The following FMN1 variants were observed in gnomAD, a reference collection of about 807,000 sequenced individuals.
The protein encoded by FMN1 is formin-1.
In FMN1, 110 loss-of-function variants were observed where a neutral mutation model predicts 132.4. The observed-to-expected ratio is 0.83, with a 90% CI of 0.71 to 0.97. The LOEUF is 0.97. FMN1 is among the 50% of genes least tolerant of loss of function. The pLI is 0.00. For synonymous variants in FMN1, 722 were observed against 651.7 expected, an observed-to-expected ratio of 1.11 and a Z score of -1.64; for missense variants, 1,792 against 1,705.3, an observed-to-expected ratio of 1.05 and a Z score of -0.90.
chr15:33,174,200 G>T (rs1965432483), intron 3 of FMN1, among the ~76,000 whole-genome samples: 1 of 152,076 alleles, frequency 6.6e-6, no homozygotes, highest in Admixed American at 6.5e-5. Flanking sequence ...CCAAAGAAAA[G>T]AAAAGAAAAG....
At chr15:33,100,223 TAAAA>T (rs61200336) in intron 4 of FMN1, among the ~76,000 whole-genome samples, 57 of 115,432 alleles carry the variant, frequency 4.9e-4, no homozygotes, top group African/African-American at 1.3e-3. Flanking sequence ...ACTTTCACAG[TAAAA>T]AAAAAAAAAA....
In FMN1 at chr15:33,018,148, G is replaced by A. The variant is rs748760406; in HGVS notation, c.2162-10073C>T. Among the ~76,000 whole-genome samples, 20 of 152,124 alleles carry A rather than the reference G, an allele frequency of 1.3e-4. 1 individual carries two copies. Among genetic ancestry groups the A allele is most frequent in the Admixed American group, 1.0e-3 (16 of 15,270 alleles). ...CTAGGAGATGGAGCCTTTGGGAGGT[G>A]ATCAGGTCATGAAGGCAGAGCCCTT... On this transcript the variant is annotated intron_variant, in intron 6 of 20. Coordinates refer to ENST00000616417, the MANE Select transcript of FMN1 (RefSeq NM_001277313.2).
chr15:32,899,274 T>G lies in FMN1; in HGVS notation c.3655-381A>C, dbSNP rs554786237. Among the ~76,000 whole-genome samples, 5 of 152,240 alleles carry G rather than the reference T, an allele frequency of 3.3e-5. No homozygotes were observed. In the South Asian group the frequency reaches 6.2e-4, roughly 19 times the overall value. ...CTCCCTGCCCGTCTTTCAAAAAATG[T>G]GCGTTCTTAATGGTGTGAAAAACAA... On this transcript the variant is annotated intron_variant, in intron 14 of 20. Coordinates refer to ENST00000616417, the MANE Select transcript of FMN1 (RefSeq NM_001277313.2).
intron 10 of FMN1, among the ~76,000 whole-genome samples, chr15:32,921,187 A>C (rs980510797): frequency 6.6e-6 from 1 of 152,194 alleles, no homozygotes; most frequent in Non-Finnish European, 1.5e-5. Flanking sequence ...CTCTCCTAGG[A>C]GGTGACATTT....
chr15:33,096,086 C>T (rs553380433), intron 4 of FMN1, among the ~76,000 whole-genome samples: 1 of 151,728 alleles, frequency 6.6e-6, no homozygotes, highest in African/African-American at 2.4e-5. Flanking sequence ...CAATATGGCT[C>T]TGAGTGTCCT....
intron 7 of FMN1, among the ~76,000 whole-genome samples, chr15:32,976,436 G>A (rs925256510): frequency 6.6e-6 from 1 of 152,112 alleles, no homozygotes; most frequent in Non-Finnish European, 1.5e-5. Context: ...TTTGAAGGCT[G>A]TCCAGAGACT....
At chr15:32,940,776 A>C (rs2061385061) in intron 9 of FMN1, among the ~76,000 whole-genome samples, 1 of 152,122 alleles carries the variant, frequency 6.6e-6, no homozygotes, top group Admixed American at 6.5e-5. Context: ...AGACACTGTA[A>C]CTCATGGTCT....
At position 33,178,640 on chromosome 15, in the gene FMN1, C is replaced by T. The variant is rs565312111; in HGVS notation, c.-132+1558G>A. Among the ~76,000 whole-genome samples, 7 of 152,340 alleles carry T rather than the reference C, an allele frequency of 4.6e-5. No homozygotes were observed. The South Asian group carries it at 1.2e-3, about 27-fold the overall frequency. ...AAAATCCCAGCTCTTCCACTTAGCA[C>T]ATTACATAGTTAAGTAATCTTTGTG... is the stretch of plus-strand genomic sequence containing the variant. On this transcript the variant is annotated intron_variant, in intron 3 of 20. Coordinates refer to ENST00000616417, the MANE Select transcript of FMN1 (RefSeq NM_001277313.2).
rs1003380281 is a variant in FMN1 at position 33,150,445 on chromosome 15, T to G, written c.1867+2603A>C. Reference sequence around the variant, plus strand: ...AGTTCTTGTTAGTATATTCTCTATTTTATCACCACTATGTGGTGATAATGG... The same window carrying G: ...AGTTCTTGTTAGTATATTCTCTATTGTATCACCACTATGTGGTGATAATGG... On this transcript the variant is annotated intron_variant, in intron 4 of 20. Transcript: ENST00000616417. 4.1e-6 allele frequency: 4 copies of G among 985,462 alleles called. No individual in the cohort carries two copies. In the East Asian group the frequency reaches 4.5e-4, roughly 112 times the overall value. The allele number at this position is 985,462 out of a possible 1,614,324, so 61.0% of individuals were successfully genotyped here.
Position 32,969,330 on chromosome 15 carries a change from T to C in FMN1, c.2371A>G (p.Thr791Ala), listed in dbSNP as rs753907533. The change falls in exon 8 of 21, where the codon ACC (threonine) becomes GCC (alanine). Residue 791 changes from threonine to alanine, a missense_variant. Thr to Ala is a moderately conservative substitution (Grantham distance 58, BLOSUM62 0). Transcript: ENST00000616417. Reference protein sequence around the residue: ...CEERKDVCISTDDDCPPKTFR... With the variant: ...CEERKDVCISADDDCPPKTFR... ...GTCTTTGGAGGGCAGTCATCATCGG[T>C]GGAAATGCACACATCTTTCCTCTCT... The C allele has an allele frequency of 1.9e-6, 3 of 1,613,954 alleles. No individual in the cohort carries two copies. Among genetic ancestry groups the C allele is most frequent in the Non-Finnish European group, 2.5e-6 (3 of 1,179,876 alleles).
chr15:32,891,419 T>C (rs1047926675), intron 15 of FMN1, among the ~76,000 whole-genome samples: 2 of 152,226 alleles, frequency 1.3e-5, no homozygotes, highest in African/African-American at 4.8e-5. Context: ...AGCTAATTTA[T>C]TTTTAGTAGA....
chr15:33,082,023 GTGTGT>G (rs1566899155), intron 5 of FMN1, among the ~76,000 whole-genome samples: 6 of 71,882 alleles, frequency 8.3e-5, no homozygotes, highest in African/African-American at 2.8e-4. Context: ...GTTCAGGGGT[GTGTGT>G]GTGTGTGTGT....
intron 10 of FMN1, among the ~76,000 whole-genome samples, chr15:32,915,016 T>A (rs896601742): frequency 6.6e-6 from 1 of 152,074 alleles, no homozygotes; most frequent in Non-Finnish European, 1.5e-5. Flanking sequence ...AAAAATAAAA[T>A]CTAAAAAGTA....
intron 15 of FMN1, 44 bp downstream of exon 15, chr15:32,898,790 A>C (rs757527067): frequency 7.2e-6 from 9 of 1,249,774 alleles, no homozygotes; most frequent in Non-Finnish European, 1.0e-5. Flanking sequence ...GAATGTCAAC[A>C]ATGAGTAAGA....
rs544707366 is a variant in FMN1, at chr15:33,052,973, C to T, written c.2161+11984G>A. Among the ~76,000 whole-genome samples, 134 of 114,906 alleles carry T rather than the reference C, an allele frequency of 1.2e-3. 1 individual carries two copies. The highest frequency in any genetic ancestry group is 4.4e-3 in the African/African-American group (127 of 28,900). 75.4% of individuals were successfully genotyped at this position (114,906 alleles called of 152,430 possible). A position where few individuals can be genotyped will look rare whatever the true frequency, so the allele number is the denominator to read the frequency against. ...GACCCAACCACAGGCAGAGAAACCA[C>T]CTGACTGTGGGGGTGTGGGATCATC... On this transcript the variant is annotated intron_variant, in intron 6 of 20. Coordinates refer to ENST00000616417, the MANE Select transcript of FMN1 (RefSeq NM_001277313.2).
rs959584897 is a variant in FMN1 at position 33,088,812 on chromosome 15, T to C, written c.2030A>G (p.Tyr677Cys). ...EREKSNRSEL[Y>C]LDLHPDHSLT... ...ATTTCTACTTACATGGAGATCCAAG[T>C]ACAATTCGCTCCTGTTTGACTTCTC... The change falls in exon 5 of 21, where the codon TAC becomes TGC. Residue 677 changes from tyrosine (Y) to cysteine (C), a missense_variant. This residue lies in a region of FMN1 where 1,150 missense variants were observed against 1,043.1 expected (regional missense o/e 1.10). Transcript: ENST00000616417. 2.0e-6 allele frequency: 3 copies of C among 1,535,560 alleles called. No homozygotes were observed. The highest frequency in any genetic ancestry group is 2.6e-6 in the Non-Finnish European group (3 of 1,146,634).
chr15:33,075,047 A>T (rs370292270), intron 5 of FMN1, among the ~76,000 whole-genome samples: 7,211 of 137,652 alleles, frequency 0.052, 308 homozygotes, highest in Non-Finnish European at 0.083. Flanking sequence ...AAAAAAAAAA[A>T]GAACAGACCT....
At chr15:32,865,491 A>G (rs1355008323) in intron 16 of FMN1, among the ~76,000 whole-genome samples, 1 of 152,232 alleles carries the variant, frequency 6.6e-6, no homozygotes, top group Non-Finnish European at 1.5e-5. Flanking sequence ...CATGTAATTG[A>G]GAAATTAAAC....
intron 16 of FMN1, among the ~76,000 whole-genome samples, chr15:32,857,686 C>G (rs890541415): frequency 6.6e-6 from 1 of 152,138 alleles, no homozygotes; most frequent in Non-Finnish European, 1.5e-5. Flanking sequence ...TCTACTAACA[C>G]AAGGGAAATA....
Sources: gnomAD v4.1 joint callset for allele counts (sites outside exome capture counted in the v4.1 genomes callset) on GRCh38, gnomAD v4.1.1 for gene constraint, gnomAD v4.1.1 regional missense constraint, MANE v1.5 for transcripts, NCBI Gene and HGNC (gene_info 2026-07-23, HGNC 2026-07-21) for gene names.